Variants in PTPRU observed in about 807,000 individuals in gnomAD.
PTPRU encodes the protein receptor-type tyrosine-protein phosphatase U.
In PTPRU, 69 loss-of-function variants were observed where a neutral mutation model predicts 166.3. That is an observed-to-expected ratio of 0.41 (90% CI 0.34 to 0.51). The LOEUF (loss-of-function observed/expected upper bound fraction) is 0.51. Ranked by LOEUF, PTPRU falls within the 20% of genes least tolerant of loss-of-function variation. The pLI is 0.09. For missense variants in PTPRU, 1,657 were observed against 2,013.7 expected (o/e 0.82, Z 3.39); for synonymous variants, 793 against 814.0 (o/e 0.97, Z 0.44).
Position 29,280,195 on chromosome 1 carries a change from C to G in PTPRU, c.1868+54C>G. On this transcript the variant is annotated intron_variant, in intron 11 of 29. Transcript: ENST00000373779. This position sits in a 1 kb window ranked among gnomAD's most constrained non-coding sequence, Gnocchi z 4.2. ...GTCCAGGGCCTTAGGAAAGAGGCCC[C>G]TCCTCTGACCCAGAGCCCCATCCCA... 6.7e-7 allele frequency: 1 copy of G among 1,491,332 alleles called. No homozygotes were observed. The highest frequency in any genetic ancestry group is 9.3e-7 in the Non-Finnish European group (1 of 1,075,902). The allele number at this position is 1,491,332 out of a possible 1,614,324, so 92.4% of individuals were successfully genotyped here. A position where few individuals can be genotyped will look rare whatever the true frequency, so the allele number is the denominator to read the frequency against.
chr1:29,290,358 A>G (rs543751408), intron 14 of PTPRU, among the ~76,000 whole-genome samples: 10 of 152,338 alleles, frequency 6.6e-5, no homozygotes, highest in Middle Eastern at 3.4e-3. Context: ...TGATGAGGAA[A>G]CTGAGGCTCA....
Position 29,322,617 on chromosome 1 carries a change from G to A in PTPRU, c.3829-754G>A, listed in dbSNP as rs551911231. On this transcript the variant is annotated intron_variant, in intron 26 of 29. Transcript: ENST00000373779. Reference sequence around the variant, plus strand: ...TGGTGTCCTCCTGTCCTGGGCTGTGGTCAGAGGGGATTGATGAGCACGGTG... The same window carrying A: ...TGGTGTCCTCCTGTCCTGGGCTGTGATCAGAGGGGATTGATGAGCACGGTG... Among the ~76,000 whole-genome samples, 4 of 152,266 alleles carry A rather than the reference G, an allele frequency of 2.6e-5. No homozygotes were observed. In the South Asian group the frequency reaches 8.3e-4, roughly 32 times the overall value.
chr1:29,260,749 C>A lies in PTPRU; in HGVS notation c.990C>A (p.Pro330=), dbSNP rs766106101. The change falls in exon 7 of 30, where the codon CCC becomes CCA. Residue 330 remains proline, a synonymous_variant. Transcript: ENST00000373779. The surrounding 1 kb of genome is among the most constrained non-coding windows in gnomAD (Gnocchi z 8.3). ...TTGAGTACCGCATGGCGCGCGGGCC[C>A]TGGGCTGAGGTGCACGCCGTCAGCC... ...KEIEYRMARG[P]WAEVHAVSLQ... The A allele has an allele frequency of 6.2e-6, 10 of 1,612,052 alleles. No homozygotes were observed. Among genetic ancestry groups the A allele is most frequent in the Middle Eastern group, 1.6e-4 (1 of 6,072 alleles).
rs1685951470 is a variant in PTPRU, at chr1:29,279,259, G to A, written c.1563+138G>A. 2 of 1,003,370 alleles carry A rather than the reference G, an allele frequency of 2.0e-6. No individual in the cohort carries two copies. Among genetic ancestry groups the A allele is most frequent in the East Asian group, 5.2e-5 (2 of 38,320 alleles). The allele number at this position is 1,003,370 out of a possible 1,614,324, so 62.2% of individuals were successfully genotyped here. ...AGTTTCTTCAACTATGGCCAGGTCT[G>A]TGCCCTGTGTATTCTAGAGGAGGGT... On this transcript the variant is annotated intron_variant, in intron 9 of 29. Transcript: ENST00000373779. This position sits in a 1 kb window ranked among gnomAD's most constrained non-coding sequence, Gnocchi z 5.2.
At chr1:29,293,656 A>C (rs1435173595) in intron 15 of PTPRU, among the ~76,000 whole-genome samples, 1 of 150,970 alleles carries the variant, frequency 6.6e-6, no homozygotes, top group Non-Finnish European at 1.5e-5. Context: ...TTGTATTTTT[A>C]ATAGAGACGG....
rs1684992112 is a variant in PTPRU, at chr1:29,260,225, C to A, written c.850+181C>A. The A allele has an allele frequency of 2.8e-6, 2 of 713,488 alleles. No individual in the cohort carries two copies. The highest frequency in any genetic ancestry group is 4.1e-6 in the Non-Finnish European group (2 of 486,928). 44.2% of individuals were successfully genotyped at this position (713,488 alleles called of 1,614,324 possible). A position where few individuals can be genotyped will look rare whatever the true frequency, so the allele number is the denominator to read the frequency against. ...TGGCCCAGCCGGGATGAGATCTGAT[C>A]TAGGGGTCGGGGCTGGCTTCGAGGG... On this transcript the variant is annotated intron_variant, in intron 6 of 29. Transcript: ENST00000373779. This position sits in a 1 kb window ranked among gnomAD's most constrained non-coding sequence, Gnocchi z 8.3.
In PTPRU at chr1:29,260,069, G is replaced by T. The variant is rs573509826; in HGVS notation, c.850+25G>T. The T allele has an allele frequency of 1.4e-6, 2 of 1,382,358 alleles. No individual in the cohort carries two copies. The highest frequency in any genetic ancestry group is 2.1e-4 in the Middle Eastern group (1 of 4,670). 85.6% of individuals were successfully genotyped at this position (1,382,358 alleles called of 1,614,324 possible). ...GGTCAGCTGGTGGACGCCGGGGAGC[G>T]CCGGGACCTCACCCTCGAGGGGCGG... On this transcript the variant is annotated intron_variant, in intron 6 of 29. Transcript: ENST00000373779. The surrounding 1 kb of genome is among the most constrained non-coding windows in gnomAD (Gnocchi z 8.3).
chr1:29,315,943 C>T lies in PTPRU; in HGVS notation c.3364-59C>T. Reference sequence around the variant, plus strand: ...AACCTTGAGCTTGCTTAAGCCCCATCACCACAGATCTCCAGCTTCTAGGCC... The same window carrying T: ...AACCTTGAGCTTGCTTAAGCCCCATTACCACAGATCTCCAGCTTCTAGGCC... On this transcript the variant is annotated intron_variant, in intron 23 of 29. Coordinates refer to ENST00000373779, the MANE Select transcript of PTPRU (RefSeq NM_133178.4). The surrounding 1 kb of genome is among the most constrained non-coding windows in gnomAD (Gnocchi z 4.5). 1 of 1,589,930 alleles carries T rather than the reference C, an allele frequency of 6.3e-7. No individual in the cohort carries two copies. The highest frequency in any genetic ancestry group is 1.1e-5 in the South Asian group (1 of 87,306).
chr1:29,291,523 C>T lies in PTPRU; in HGVS notation c.2319-346C>T, dbSNP rs1189091838. On this transcript the variant is annotated intron_variant, in intron 14 of 29. Coordinates refer to ENST00000373779, the MANE Select transcript of PTPRU (RefSeq NM_133178.4). The surrounding 1 kb of genome is among the most constrained non-coding windows in gnomAD (Gnocchi z 4.1). ...GCAGTGGGGGTGAGGGGGCTGTCTG[C>T]TGTGACACCAAATTAGCCCTGGAGT... is the stretch of plus-strand genomic sequence containing the variant. Among the ~76,000 whole-genome samples the T allele has an allele frequency of 6.6e-6, 1 of 152,124 alleles. No homozygotes were observed. The highest frequency in any genetic ancestry group is 1.9e-4 in the East Asian group (1 of 5,172).
intron 18 of PTPRU, among the ~76,000 whole-genome samples, chr1:29,306,708 G>T (rs1243527975): frequency 2.6e-5 from 4 of 152,216 alleles, no homozygotes; most frequent in Non-Finnish European, 4.4e-5. Flanking sequence ...CAAGGCACAG[G>T]TCTGGGAGCC....
Position 29,320,959 on chromosome 1 carries a change from TC to T in PTPRU, c.3828+137del. On this transcript the variant is annotated intron_variant, in intron 26 of 29. Coordinates refer to ENST00000373779, the MANE Select transcript of PTPRU (RefSeq NM_133178.4). The surrounding 1 kb of genome is among the most constrained non-coding windows in gnomAD (Gnocchi z 5.2). ...TTATTGTGTGATGAATCATACACCT[TC>T]CCAGAGCCTCAGTTTCTTCATCTGT... The T allele has an allele frequency of 1.0e-6, 1 of 993,698 alleles. No individual in the cohort carries two copies. The allele number at this position is 993,698 out of a possible 1,614,324, so 61.6% of individuals were successfully genotyped here. A position where few individuals can be genotyped will look rare whatever the true frequency, so the allele number is the denominator to read the frequency against.
intron 25 of PTPRU, among the ~76,000 whole-genome samples, chr1:29,318,803 G>A (rs1367250120): frequency 2.6e-5 from 4 of 152,222 alleles, no homozygotes; most frequent in Non-Finnish European, 5.9e-5. Flanking sequence ...AGAGGAAGGA[G>A]TGGAGCCAAG....
intron 1 of PTPRU, among the ~76,000 whole-genome samples, chr1:29,245,735 G>A (rs1277693256): frequency 6.6e-6 from 1 of 152,194 alleles, no homozygotes; most frequent in African/African-American, 2.4e-5. Context: ...TCACTCTGCT[G>A]GATGTCAGTG....
intron 1 of PTPRU, among the ~76,000 whole-genome samples, chr1:29,242,432 A>G (rs535510379): frequency 6.6e-6 from 1 of 152,190 alleles, no homozygotes; most frequent in Non-Finnish European, 1.5e-5. Flanking sequence ...CGGTCAGCCT[A>G]GAGCTGTGTT....
chr1:29,251,533 C>T (rs1164545264), intron 1 of PTPRU, among the ~76,000 whole-genome samples: 3 of 152,180 alleles, frequency 2.0e-5, no homozygotes, highest in Non-Finnish European at 4.4e-5. Context: ...ATTTGGGGGT[C>T]ACCAACTTGG....
chr1:29,311,108 C>T lies in PTPRU; in HGVS notation c.2857+328C>T, dbSNP rs1015386753. Among the ~76,000 whole-genome samples, 1 of 152,030 alleles carries T rather than the reference C, an allele frequency of 6.6e-6. No homozygotes were observed. The highest frequency in any genetic ancestry group is 2.4e-5 in the African/African-American group (1 of 41,432). ...CAGGCCTCATGGGTGTGGGTTGGGC[C>T]TCTCGGTCTGGTGGCTGCCTGGATT... On this transcript the variant is annotated intron_variant, in intron 19 of 29. Coordinates refer to ENST00000373779, the MANE Select transcript of PTPRU (RefSeq NM_133178.4). This position sits in a 1 kb window ranked among gnomAD's most constrained non-coding sequence, Gnocchi z 4.1.
At position 29,317,661 on chromosome 1, in the gene PTPRU, A is replaced by G; in HGVS notation, c.3514-87A>G. On this transcript the variant is annotated intron_variant, in intron 24 of 29. Transcript: ENST00000373779. This position sits in a 1 kb window ranked among gnomAD's most constrained non-coding sequence, Gnocchi z 5.6. Reference sequence around the variant, plus strand: ...TCTCCATCCATAAAATGGGATTAGTAACTCAGTCCAGCCTCCTTCATGGGG... The same window carrying G: ...TCTCCATCCATAAAATGGGATTAGTGACTCAGTCCAGCCTCCTTCATGGGG... The G allele has an allele frequency of 1.4e-6, 2 of 1,386,444 alleles. No homozygotes were observed. Among genetic ancestry groups the G allele is most frequent in the Non-Finnish European group, 2.0e-6 (2 of 1,022,540 alleles). The allele number at this position is 1,386,444 out of a possible 1,614,324, so 85.9% of individuals were successfully genotyped here. A position where few individuals can be genotyped will look rare whatever the true frequency, so the allele number is the denominator to read the frequency against.
chr1:29,240,516 GGAATCTGGAAA>G (rs1162663970), intron 1 of PTPRU, among the ~76,000 whole-genome samples: 2 of 152,164 alleles, frequency 1.3e-5, no homozygotes, highest in African/African-American at 4.8e-5. Flanking sequence ...TTTCCCTCCA[GGAATCTGGAAA>G]ATTCCTGGAG....
chr1:29,253,881 T>G (rs1182643205), intron 1 of PTPRU, among the ~76,000 whole-genome samples: 1 of 152,062 alleles, frequency 6.6e-6, no homozygotes, highest in Non-Finnish European at 1.5e-5. Flanking sequence ...CTAGGCGTTG[T>G]GCTAAGTGGG....
Sources: allele counts gnomAD v4.1 joint callset (sites outside exome capture counted in the v4.1 genomes callset), GRCh38; gene constraint gnomAD v4.1.1; non-coding constraint Gnocchi (gnomAD v3.1); transcripts MANE v1.5; gene names NCBI Gene and HGNC (gene_info 2026-07-23, HGNC 2026-07-21).